The following TTC3 variants were observed in gnomAD, a reference collection of about 807,000 sequenced individuals.
TTC3 encodes the protein tetratricopeptide repeat domain 3.
TTC3 carries 180 observed loss-of-function variants against 249.6 expected under a neutral mutation model. The observed-to-expected ratio is 0.72, with a 90% CI of 0.64 to 0.82. The LOEUF (loss-of-function observed/expected upper bound fraction) is 0.82. TTC3 is among the 40% of genes least tolerant of loss of function. The probability of loss-of-function intolerance (pLI) is 0.00; values close to 1 mark genes in which losing one functional copy is unlikely to be tolerated. For synonymous variants in TTC3, 717 were observed against 805.0 expected (o/e 0.89, Z 1.85); for missense variants, 2,061 against 2,398.4 (o/e 0.86, Z 2.94).
At chr21:37,188,166 C>T (rs1204331735) in intron 38 of TTC3, 1 of 164,042 alleles carries the variant, frequency 6.1e-6, no homozygotes, top group African/African-American at 2.4e-5. Context: ...GGTTATTCTG[C>T]TGCAGGACCA....
intron 17 of TTC3, among the ~76,000 whole-genome samples, chr21:37,134,170 G>T (rs1440021676): frequency 6.6e-6 from 1 of 152,100 alleles, no homozygotes; most frequent in Admixed American, 6.6e-5. Context: ...AGCCAGCAGA[G>T]GCCGGGTGCA....
At chr21:37,168,146 A>T (rs1291159810) in intron 34 of TTC3, among the ~76,000 whole-genome samples, 1 of 152,210 alleles carries the variant, frequency 6.6e-6, no homozygotes, top group Non-Finnish European at 1.5e-5. Context: ...GATAAAATTC[A>T]GGTCACTGTC....
intron 10 of TTC3, among the ~76,000 whole-genome samples, chr21:37,104,462 T>C (rs1476758859): frequency 6.6e-6 from 1 of 151,892 alleles, no homozygotes; most frequent in Non-Finnish European, 1.5e-5. Context: ...TGGTGGTAGG[T>C]GCTTCTAATC....
chr21:37,126,543 A>C (rs984275049), intron 15 of TTC3, among the ~76,000 whole-genome samples: 2 of 152,182 alleles, frequency 1.3e-5, no homozygotes, highest in African/African-American at 2.4e-5. Context: ...TATGTACCAT[A>C]TGTGCATCTG....
Position 37,165,873 on chromosome 21 carries a change from C to A in TTC3, c.3659C>A (p.Ser1220Tyr), listed in dbSNP as rs758441292. The change falls in exon 33 of 46, where the codon TCT (serine) becomes TAT (tyrosine). Residue 1220 changes from serine to tyrosine, a missense_variant. Ser to Tyr is a moderately radical substitution (Grantham distance 144). Transcript: ENST00000355666. Reference sequence around the variant, plus strand: ...AGGGAATTTAAACCAGATGTAAAGTCTAAACCAGTGTCAGATTCATCTTCA... The same window carrying A: ...AGGGAATTTAAACCAGATGTAAAGTATAAACCAGTGTCAGATTCATCTTCA... 3.1e-6 allele frequency: 5 copies of A among 1,614,200 alleles called. No individual in the cohort carries two copies. In the East Asian group the frequency reaches 1.1e-4, roughly 36 times the overall value.
intron 26 of TTC3, 37 bp from the exon 27 acceptor site, chr21:37,152,914 C>A: frequency 1.4e-6 from 2 of 1,454,106 alleles, no homozygotes; most frequent in Non-Finnish European, 1.8e-6. Flanking sequence ...GTGAATTAGT[C>A]CTATTTATCA....
At chr21:37,078,698 A>T (rs1266021579) in intron 1 of TTC3, among the ~76,000 whole-genome samples, 1 of 152,080 alleles carries the variant, frequency 6.6e-6, no homozygotes, top group Non-Finnish European at 1.5e-5. Flanking sequence ...ATTTTTTCTG[A>T]AATTCCTTTG....
intron 21 of TTC3, among the ~76,000 whole-genome samples, chr21:37,145,750 C>A (rs146721207): frequency 6.6e-5 from 10 of 152,226 alleles, no homozygotes; most frequent in African/African-American, 2.2e-4. Flanking sequence ...TGTCAGAAGG[C>A]GTAGGAGAGC....
intron 19 of TTC3, 52 bp downstream of exon 19, chr21:37,138,766 T>A (rs1601713232): frequency 7.9e-7 from 1 of 1,265,294 alleles, no homozygotes; most frequent in East Asian, 2.4e-5. Flanking sequence ...TGACATATCT[T>A]ATAAAAATTA....
chr21:37,178,304 CAT>C (rs2082444722), intron 35 of TTC3, among the ~76,000 whole-genome samples: 1 of 152,088 alleles, frequency 6.6e-6, no homozygotes, highest in East Asian at 1.9e-4. Flanking sequence ...TTTCTTTGGA[CAT>C]ATGTTTTCAT....
In TTC3 at chr21:37,151,942, C is replaced by T; in HGVS notation, c.2326C>T (p.Gln776Ter). ...AGACAAAAAATTGAAGAGAAAGATCCAAAAAAAAGAAGCAAAAAAGTTAGC... is the reference window on the plus strand; with the variant it reads ...AGACAAAAAATTGAAGAGAAAGATCTAAAAAAAAGAAGCAAAAAAGTTAGC... Residue 776 changes from glutamine (Q) to a stop codon, truncating the protein, a stop_gained, in exon 26 of 46, where the codon CAA becomes TAA. Transcript: ENST00000355666. LOFTEE classifies it high-confidence loss of function. 6.3e-7 allele frequency: 1 copy of T among 1,599,472 alleles called. No homozygotes were observed. The highest frequency in any genetic ancestry group is 2.3e-5 in the East Asian group (1 of 44,304).
At chr21:37,146,518 C>CAAAAA (rs573434717) in intron 21 of TTC3, among the ~76,000 whole-genome samples, 1 of 136,388 alleles carries the variant, frequency 7.3e-6, no homozygotes, top group Non-Finnish European at 1.6e-5. Flanking sequence ...GACGCTGTCT[C>CAAAAA]AAAAAAAAAA....
chr21:37,199,051 G>A (rs745985956), intron 44 of TTC3, among the ~76,000 whole-genome samples: 5 of 152,080 alleles, frequency 3.3e-5, no homozygotes, highest in African/African-American at 4.8e-5. Context: ...CCTGACCCTC[G>A]AGTCATGGGC....
chr21:37,138,976 C>A (rs1420505614), intron 19 of TTC3, among the ~76,000 whole-genome samples: 1 of 152,018 alleles, frequency 6.6e-6, no homozygotes, highest in Non-Finnish European at 1.5e-5. Context: ...ATTTCAGAAA[C>A]ATAATCTTGA....
At chr21:37,178,168 T>C (rs2082434117) in intron 35 of TTC3, among the ~76,000 whole-genome samples, 1 of 152,248 alleles carries the variant, frequency 6.6e-6, no homozygotes, top group Non-Finnish European at 1.5e-5. Flanking sequence ...TCCTTTTTAC[T>C]GTGGAATAAT....
chr21:37,140,729 A>T, intron 20 of TTC3, 56 bp downstream of exon 20: 1 of 1,173,370 alleles, frequency 8.5e-7, no homozygotes, highest in Non-Finnish European at 1.2e-6. Context: ...TTAAAATCCA[A>T]TGTGATAATG....
At chr21:37,115,846 A>G (rs2076097391) in intron 11 of TTC3, among the ~76,000 whole-genome samples, 1 of 152,138 alleles carries the variant, frequency 6.6e-6, no homozygotes, top group Non-Finnish European at 1.5e-5. Context: ...AGCGTTGGCC[A>G]GCCCCCTTAT....
At chr21:37,158,216 T>A (rs973922165) in intron 28 of TTC3, 11 of 985,346 alleles carry the variant, frequency 1.1e-5, no homozygotes, top group Non-Finnish European at 1.3e-5. Context: ...AATAAAATGC[T>A]GTCCCGGGAC....
chr21:37,170,961 G>A (rs955163915), intron 34 of TTC3, among the ~76,000 whole-genome samples: 1 of 152,112 alleles, frequency 6.6e-6, no homozygotes, highest in Non-Finnish European at 1.5e-5. Context: ...GAAATTTGCA[G>A]GCTTCAATTA....
Sources: allele counts gnomAD v4.1 joint callset (sites outside exome capture counted in the v4.1 genomes callset), GRCh38; gene constraint gnomAD v4.1.1; transcripts MANE v1.5; gene names NCBI Gene and HGNC (gene_info 2026-07-23, HGNC 2026-07-21).